The following RSF1 variants were observed in gnomAD, a reference collection of about 807,000 sequenced individuals.
RSF1 encodes the protein remodeling and spacing factor 1, also known as HBV pX-associated protein 8.
RSF1 carries 13 observed loss-of-function variants against 145.2 expected under a neutral mutation model. That is an observed-to-expected ratio of 0.09 (90% CI 0.06 to 0.14). RSF1 has a LOEUF of 0.14. RSF1 is among the 10% of genes least tolerant of loss of function. RSF1 has a pLI of 1.00. For missense variants in RSF1, 1,517 were observed against 1,718.2 expected (o/e 0.88, Z 2.07); for synonymous variants, 577 against 592.6 (o/e 0.97, Z 0.38).
intron 1 of RSF1, among the ~76,000 whole-genome samples, chr11:77,816,918 G>C (rs1361813588): frequency 6.6e-6 from 1 of 152,132 alleles, no homozygotes; most frequent in Admixed American, 6.5e-5. Context: ...TAAATTTTTT[G>C]TTGACAATTT....
At chr11:77,744,609 A>G (rs983098864) in intron 3 of RSF1, among the ~76,000 whole-genome samples, 2 of 152,252 alleles carry the variant, frequency 1.3e-5, no homozygotes, top group Non-Finnish European at 2.9e-5. Flanking sequence ...CTGGCCATGT[A>G]TCACATTTAT....
At chr11:77,870,527 C>T in the RSF1 span, among the ~76,000 whole-genome samples, 11 of 151,506 alleles carry the variant, frequency 7.3e-5, no homozygotes, top group Middle Eastern at 3.4e-3. Context: ...TTAGTAGAGA[C>T]GGGGTTTCAC....
At chr11:77,733,999 A>G (rs1961274761) in intron 4 of RSF1, among the ~76,000 whole-genome samples, 1 of 152,202 alleles carries the variant, frequency 6.6e-6, no homozygotes, top group South Asian at 2.1e-4. Context: ...TAAAGATGAA[A>G]TAATGCTTTT....
At chr11:77,796,875 T>C (rs904565804) in intron 1 of RSF1, among the ~76,000 whole-genome samples, 1 of 151,990 alleles carries the variant, frequency 6.6e-6, no homozygotes, top group South Asian at 2.1e-4. Context: ...ACAGACAAAC[T>C]GAGAGCCAAA....
At position 77,701,766 on chromosome 11, in the gene RSF1, T is replaced by C. The variant is rs772181942; in HGVS notation, c.1463A>G (p.Glu488Gly). ...RNIITEGNGT[E>G]SLNSVITSMK... ...ACTTGTTATGACAGAATTTAAGGAC[T>C]CTGTTCCATTTCCCTCCGTGATGAT... The change falls in exon 6 of 16, where the codon GAG becomes GGG. Residue 488 changes from glutamate to glycine, a missense_variant. Around this residue, in one of 12 missense-constraint regions of RSF1, gnomAD observed 579 missense variants for 553.5 expected, o/e 1.05. Coordinates refer to ENST00000308488, the MANE Select transcript of RSF1 (RefSeq NM_016578.4). The C allele has an allele frequency of 6.2e-7, 1 of 1,613,950 alleles. No homozygotes were observed. Among genetic ancestry groups the C allele is most frequent in the Admixed American group, 1.7e-5 (1 of 60,026 alleles).
Position 77,672,232 on chromosome 11 carries a change from T to G in RSF1, c.3563-2A>C. The G allele has an allele frequency of 6.3e-7, 1 of 1,579,072 alleles. No homozygotes were observed. Among genetic ancestry groups the G allele is most frequent in the Non-Finnish European group, 8.6e-7 (1 of 1,168,500 alleles). ...TAAAATCATCACTGAAGTCACTTTCTATTTTAAAAAAAGGAAGAACAAAGT... is the reference window on the plus strand; with the variant it reads ...TAAAATCATCACTGAAGTCACTTTCGATTTTAAAAAAAGGAAGAACAAAGT... On this transcript the variant is annotated splice_acceptor_variant, in intron 14 of 15. Coordinates refer to ENST00000308488, the MANE Select transcript of RSF1 (RefSeq NM_016578.4). LOFTEE classifies it high-confidence loss of function.
At chr11:77,692,660 TG>T (rs1960184055) in intron 8 of RSF1, among the ~76,000 whole-genome samples, 1 of 148,518 alleles carries the variant, frequency 6.7e-6, no homozygotes, top group South Asian at 2.1e-4. Context: ...ACTATACCTA[TG>T]TGCCACCATG....
chr11:77,758,621 A>T (rs7931272), intron 2 of RSF1, among the ~76,000 whole-genome samples: 38,733 of 151,928 alleles, frequency 0.25, 5,622 homozygotes, highest in South Asian at 0.49. Flanking sequence ...TTTCCTTTTT[A>T]AAAAAAATAG....
At chr11:77,746,530 G>A (rs1287833613) in intron 3 of RSF1, among the ~76,000 whole-genome samples, 1 of 151,984 alleles carries the variant, frequency 6.6e-6, no homozygotes, top group Non-Finnish European at 1.5e-5. Context: ...CTACTATGCT[G>A]GCCACTTTGC....
chr11:77,732,952 A>G (rs1163910230), intron 4 of RSF1, among the ~76,000 whole-genome samples: 1 of 152,242 alleles, frequency 6.6e-6, no homozygotes, highest in Non-Finnish European at 1.5e-5. Context: ...AGACAAATCC[A>G]TATAGTTTCA....
At chr11:77,711,341 A>G (rs922020143) in intron 5 of RSF1, among the ~76,000 whole-genome samples, 27 of 152,140 alleles carry the variant, frequency 1.8e-4, no homozygotes, top group African/African-American at 6.5e-4. Context: ...CAATACTGAT[A>G]CCATTACCAA....
intron 15 of RSF1, among the ~76,000 whole-genome samples, chr11:77,671,565 A>C (rs1430166862): frequency 6.6e-6 from 1 of 151,856 alleles, no homozygotes; most frequent in Non-Finnish European, 1.5e-5. Flanking sequence ...CTTATCGAGT[A>C]TCTTTTATTT....
rs1261057896 is a variant in RSF1, at chr11:77,702,513, C to T, written c.734-18G>A. The T allele has an allele frequency of 6.8e-7, 1 of 1,472,362 alleles. No individual in the cohort carries two copies. The highest frequency in any genetic ancestry group is 1.4e-5 in the African/African-American group (1 of 70,058). The allele number at this position is 1,472,362 out of a possible 1,614,324, so 91.2% of individuals were successfully genotyped here. On this transcript the variant is annotated intron_variant, in intron 5 of 15. Transcript: ENST00000308488. ...CTGTTCCTCTAAAAATCAGAAAAAG[C>T]TTAATTACATGAATAGAAACTTTCA...
chr11:77,789,081 G>C (rs907073669), intron 1 of RSF1, among the ~76,000 whole-genome samples: 2 of 152,068 alleles, frequency 1.3e-5, no homozygotes, highest in African/African-American at 4.8e-5. Flanking sequence ...AAACATCTAC[G>C]GCAAGGAAGG....
At chr11:77,810,637 T>A (rs1407517456) in intron 1 of RSF1, among the ~76,000 whole-genome samples, 1 of 152,124 alleles carries the variant, frequency 6.6e-6, no homozygotes, top group Non-Finnish European at 1.5e-5. Flanking sequence ...CATGGCTCAC[T>A]GTAATCTCTG....
upstream of RSF1, among the ~76,000 whole-genome samples, chr11:77,823,599 G>C (rs1949033198): frequency 7.6e-6 from 1 of 131,828 alleles, no homozygotes; most frequent in Non-Finnish European, 1.5e-5. Context: ...TCCAGCCTGG[G>C]CGACAGAACT....
At chr11:77,684,092 G>C (rs151056880) in intron 10 of RSF1, among the ~76,000 whole-genome samples, 7 of 152,262 alleles carry the variant, frequency 4.6e-5, no homozygotes, top group African/African-American at 1.7e-4. Context: ...TCATGATGAA[G>C]TTTTTCCATT....
chr11:77,848,366 CT>C, the RSF1 span, among the ~76,000 whole-genome samples: 1 of 149,508 alleles, frequency 6.7e-6, no homozygotes. Flanking sequence ...TAACCTCATT[CT>C]TTTTTTTTTG....
At chr11:77,788,398 T>C (rs542642092) in intron 1 of RSF1, among the ~76,000 whole-genome samples, 118 of 143,898 alleles carry the variant, frequency 8.2e-4, no homozygotes, top group Middle Eastern at 7.6e-3. Flanking sequence ...ACATGTTGAG[T>C]GAGATAAGGT....
Sources: allele counts gnomAD v4.1 joint callset (sites outside exome capture counted in the v4.1 genomes callset), GRCh38; gene constraint gnomAD v4.1.1; regional missense constraint gnomAD v4.1.1; transcripts MANE v1.5; gene names NCBI Gene and HGNC (gene_info 2026-07-23, HGNC 2026-07-21).